The following FMR1NB variants were observed in gnomAD, a reference collection of about 807,000 sequenced individuals.
FMR1NB encodes FMR1 neighbor, also known as FMR1 neighbor protein.
FMR1NB carries 10 observed loss-of-function variants against 16.8 expected under a neutral mutation model. The observed-to-expected ratio is 0.60, with a 90% CI of 0.37 to 1.01. The LOEUF (loss-of-function observed/expected upper bound fraction) is 1.01. Ranked by LOEUF, FMR1NB falls within the 50% of genes least tolerant of loss-of-function variation. The pLI is 0.01. For synonymous variants in FMR1NB, 83 were observed against 79.1 expected (o/e 1.05, Z -0.26); for missense variants, 205 against 204.8 (o/e 1.00, Z 0.00).
chrX:148,006,811 G>A lies in FMR1NB; in HGVS notation c.507G>A (p.Thr169=), dbSNP rs1557189148. ...HKCCFSSSGT[T]SFKCFAPFRD... ...GCTGTTTTTCATCATCGGGGACCAC[G>A]AGCTTCAAATGTTTTGCTCCATTTA... Residue 169 remains threonine, a synonymous_variant, in exon 3 of 6, where the codon ACG becomes ACA. Transcript: ENST00000370467. 4.1e-6 allele frequency: 5 copies of A among 1,208,588 alleles called. No individual in the cohort carries two copies. The African/African-American group carries it at 7.0e-5, about 17-fold the overall frequency.
intron 1 of FMR1NB, among the ~76,000 whole-genome samples, chrX:147,990,850 G>C (rs781931901): frequency 1.8e-5 from 2 of 108,697 alleles, no homozygotes; most frequent in Non-Finnish European, 3.8e-5. Flanking sequence ...CTTCTTTTCA[G>C]TACCTCCATC....
chrX:147,990,068 C>T (rs1254726453), intron 1 of FMR1NB, among the ~76,000 whole-genome samples: 1 of 109,248 alleles, frequency 9.2e-6, no homozygotes, highest in East Asian at 2.9e-4. Flanking sequence ...AAAGCTCCTG[C>T]AGCTAGCTCC....
chrX:147,990,126 T>A (rs782400165), intron 1 of FMR1NB, among the ~76,000 whole-genome samples: 1 of 110,766 alleles, frequency 9.0e-6, no homozygotes, highest in Non-Finnish European at 1.9e-5. Flanking sequence ...CCCAGGGCCC[T>A]GGTGGTGTAG....
chrX:147,998,620 A>G (rs1428505984), intron 1 of FMR1NB, among the ~76,000 whole-genome samples: 1 of 112,771 alleles, frequency 8.9e-6, no homozygotes, highest in Non-Finnish European at 1.9e-5. Context: ...CAAAGTTTAT[A>G]AAGATTTGCC....
chrX:148,003,088 T>C (rs1204141496), intron 1 of FMR1NB, 113 bp from the exon 2 acceptor site: 12 of 766,373 alleles, frequency 1.6e-5, no homozygotes, highest in Non-Finnish European at 2.3e-5. Flanking sequence ...AGTATATCTG[T>C]TAGCTATTTG....
chrX:147,993,878 T>TGCCTCACTTGCTTCACTCAAAGTCTTTCC (rs2044527929), intron 1 of FMR1NB, among the ~76,000 whole-genome samples: 2 of 111,173 alleles, frequency 1.8e-5, no homozygotes, highest in East Asian at 5.6e-4. Flanking sequence ...ATGGTCTTTC[T>TGCCTCACTTGCTTCACTCAAAGTCTTTCC]GCCTCACTTG....
At chrX:148,008,734 T>C (rs781789497) in intron 4 of FMR1NB, 23 bp downstream of exon 4, 1 of 1,147,021 alleles carries the variant, frequency 8.7e-7, no homozygotes, top group South Asian at 1.8e-5. Context: ...AAACTTTTAT[T>C]TGCTCGTTGC....
intron 1 of FMR1NB, among the ~76,000 whole-genome samples, chrX:147,993,036 A>G (rs2044521253): frequency 9.5e-6 from 1 of 105,553 alleles, no homozygotes; most frequent in African/African-American, 3.6e-5. Flanking sequence ...AGAGGCTGCA[A>G]TCTCGGCACT....
chrX:147,998,780 A>G (rs1003521948), intron 1 of FMR1NB, among the ~76,000 whole-genome samples: 2 of 112,258 alleles, frequency 1.8e-5, no homozygotes, highest in African/African-American at 6.5e-5. Context: ...CTTATGTACT[A>G]CTAGTGATAG....
intron 2 of FMR1NB, among the ~76,000 whole-genome samples, chrX:148,005,420 G>T (rs1557189013): frequency 9.0e-6 from 1 of 110,948 alleles, no homozygotes. Flanking sequence ...ACCATTTTCT[G>T]GGTGTTTGAC....
chrX:148,021,651 CCCT>C, intron 4 of FMR1NB, among the ~76,000 whole-genome samples: 1 of 110,916 alleles, frequency 9.0e-6, no homozygotes, highest in Non-Finnish European at 1.9e-5. Flanking sequence ...GAGGAATTGC[CCCT>C]TTACTCATCC....
intron 4 of FMR1NB, among the ~76,000 whole-genome samples, chrX:148,010,404 G>T (rs1023165620): frequency 9.0e-6 from 1 of 111,410 alleles, no homozygotes; most frequent in Non-Finnish European, 1.9e-5. Context: ...AGCCTATTGT[G>T]GTAGGCTGAT....
intron 3 of FMR1NB, among the ~76,000 whole-genome samples, chrX:148,007,809 G>A (rs781901510): frequency 1.5e-4 from 17 of 111,605 alleles, no homozygotes; most frequent in Non-Finnish European, 2.4e-4. Context: ...TTCAATTTAC[G>A]GCTTTTTGTT....
intron 1 of FMR1NB, among the ~76,000 whole-genome samples, chrX:147,996,589 T>TG (rs1198334450): frequency 2.6e-4 from 26 of 98,244 alleles, no homozygotes; most frequent in South Asian, 5.6e-4. Flanking sequence ...ACAGCGGGGA[T>TG]GGGGGGGGCG....
chrX:148,024,858 G>A lies in FMR1NB; in HGVS notation c.633-7G>A. On this transcript the variant is annotated splice_polypyrimidine_tract_variant and splice_region_variant and intron_variant, in intron 4 of 5. Coordinates refer to ENST00000370467, the MANE Select transcript of FMR1NB (RefSeq NM_152578.3). ...ATAAGGTTTCACTTGAACTTTTTAT[G>A]TTACAGCGAACCGGCCGATGATTTA... The A allele has an allele frequency of 8.3e-7, 1 of 1,207,233 alleles. No individual in the cohort carries two copies. The highest frequency in any genetic ancestry group is 1.7e-5 in the African/African-American group (1 of 57,584).
chrX:147,998,848 C>T (rs1461517194), intron 1 of FMR1NB, among the ~76,000 whole-genome samples: 14 of 112,085 alleles, frequency 1.2e-4, no homozygotes, highest in African/African-American at 1.9e-4. Flanking sequence ...TTTCAGAGTA[C>T]GGAAGAAACC....
intron 4 of FMR1NB, among the ~76,000 whole-genome samples, chrX:148,019,663 A>T (rs2044669024): frequency 8.9e-6 from 1 of 112,136 alleles, no homozygotes; most frequent in Admixed American, 9.4e-5. Context: ...TTGTAGAGGT[A>T]CTTCCTTAAT....
chrX:148,012,844 C>G (rs2044631837), intron 4 of FMR1NB, among the ~76,000 whole-genome samples: 2 of 111,893 alleles, frequency 1.8e-5, no homozygotes, highest in African/African-American at 6.5e-5. Flanking sequence ...TTTCAATTTC[C>G]CATGTTTGCA....
intron 1 of FMR1NB, among the ~76,000 whole-genome samples, chrX:147,982,804 G>A (rs2044457048): frequency 9.1e-6 from 1 of 109,895 alleles, no homozygotes; most frequent in Non-Finnish European, 1.9e-5. Flanking sequence ...TGAGGCCGGA[G>A]AACGGCATGG....
Sources: gnomAD v4.1 joint callset for allele counts (sites outside exome capture counted in the v4.1 genomes callset) on GRCh38, gnomAD v4.1.1 for gene constraint, MANE v1.5 for transcripts, NCBI Gene and HGNC (gene_info 2026-07-23, HGNC 2026-07-21) for gene names.